SRM: variants seen among roughly 807,000 people sequenced by gnomAD.
SRM encodes putrescine aminopropyltransferase.
In SRM, 14 loss-of-function variants were observed where a neutral mutation model predicts 39.3. The observed-to-expected ratio is 0.36, with a 90% confidence interval of 0.24 to 0.56. SRM has a LOEUF of 0.56. Ranked by LOEUF, SRM falls within the 20% of genes least tolerant of loss-of-function variation. SRM has a pLI of 0.86. For synonymous variants in SRM, 195 were observed against 173.1 expected, an observed-to-expected ratio of 1.13 and a Z score of -0.99; for missense variants, 244 against 409.2, an observed-to-expected ratio of 0.60 and a Z score of 3.48.
chr1:11,057,690 A>AC (rs1325066321), intron 3 of SRM, among the ~76,000 whole-genome samples: 1 of 121,546 alleles, frequency 8.2e-6, no homozygotes, highest in East Asian at 2.3e-4. Flanking sequence ...TGCCCTGACC[A>AC]CCCCCCATGC....
rs144898565 is a variant in SRM, at chr1:11,055,034, C to A, written c.816G>T (p.Ala272=). 2.2e-4 allele frequency: 356 copies of A among 1,612,408 alleles called. 1 individual carries two copies. Among genetic ancestry groups the A allele is most frequent in the Non-Finnish European group, 2.8e-4 (327 of 1,179,718 alleles). ...AGTTGTAGTACTTCAGCTGCATCTG[C>A]GCCACCTGCTGCTGTGTCAGCGGCT... ...PVQPLTQQQV[A]QMQLKYYNSD... Residue 272 remains alanine, a synonymous_variant, in exon 7 of 8, where the codon GCG becomes GCT. Coordinates refer to ENST00000376957, the MANE Select transcript of SRM (RefSeq NM_003132.3).
chr1:11,054,685 G>C lies in SRM; in HGVS notation c.*180C>G. ...GTATAGGCTTGGAGGTGGAACGCCAGAGAGACAGACACACAGACAGTCCGC... is the reference window on the plus strand; with the variant it reads ...GTATAGGCTTGGAGGTGGAACGCCACAGAGACAGACACACAGACAGTCCGC... On this transcript the variant is annotated 3_prime_UTR_variant, in exon 8 of 8. Transcript: ENST00000376957. This position sits in a 1 kb window ranked among gnomAD's most constrained non-coding sequence, Gnocchi z 4.8. The C allele has an allele frequency of 3.4e-6, 3 of 879,372 alleles. No homozygotes were observed. Among genetic ancestry groups the C allele is most frequent in the South Asian group, 3.6e-5 (2 of 55,520 alleles). 54.5% of individuals were successfully genotyped at this position (879,372 alleles called of 1,614,324 possible). A position where few individuals can be genotyped will look rare whatever the true frequency, so the allele number is the denominator to read the frequency against.
chr1:11,058,131 C>G (rs1407072776), intron 3 of SRM, among the ~76,000 whole-genome samples: 2 of 152,176 alleles, frequency 1.3e-5, no homozygotes, highest in Non-Finnish European at 2.9e-5. Context: ...AGGGACTGAT[C>G]TGTCGTCTAC....
chr1:11,059,222 T>C lies in SRM; in HGVS notation c.288+3A>G, dbSNP rs1283358381. On this transcript the variant is annotated splice_donor_region_variant and intron_variant, in intron 2 of 7. Coordinates refer to ENST00000376957, the MANE Select transcript of SRM (RefSeq NM_003132.3). ...GGCACTGTTCCAGGGGACACTGGGG[T>C]ACCTTTCGCGGGTTGGGGTGGCTGC... 6.2e-7 allele frequency: 1 copy of C among 1,613,212 alleles called. No individual in the cohort carries two copies. The highest frequency in any genetic ancestry group is 1.3e-5 in the African/African-American group (1 of 74,918).
intron 2 of SRM, among the ~76,000 whole-genome samples, 165 bp from the exon 3 acceptor site, chr1:11,059,057 G>A (rs1367519109): frequency 6.6e-5 from 10 of 152,134 alleles, no homozygotes; most frequent in Admixed American, 6.5e-4. Flanking sequence ...TTCCAGGGCT[G>A]CCCTAGGATT....
At chr1:11,058,707 T>C in intron 3 of SRM, 93 bp downstream of exon 3, 2 of 1,123,466 alleles carry the variant, frequency 1.8e-6, no homozygotes, top group Non-Finnish European at 2.5e-6. Flanking sequence ...AAACAGGCCC[T>C]ACCTGCCTTG....
intron 2 of SRM, 48 bp downstream of exon 2, chr1:11,059,177 C>T (rs1272212836): frequency 2.5e-6 from 4 of 1,611,712 alleles, no homozygotes; most frequent in Non-Finnish European, 3.4e-6. Context: ...CCGGAGCACA[C>T]CTGGGGCCGC....
Position 11,054,686 on chromosome 1 carries a change from A to G in SRM, c.*179T>C, listed in dbSNP as rs1570765141. ...TATAGGCTTGGAGGTGGAACGCCAG[A>G]GAGACAGACACACAGACAGTCCGCC... On this transcript the variant is annotated 3_prime_UTR_variant, in exon 8 of 8. Transcript: ENST00000376957. The surrounding 1 kb of genome is among the most constrained non-coding windows in gnomAD (Gnocchi z 4.8). The G allele has an allele frequency of 1.1e-5, 10 of 879,200 alleles. No homozygotes were observed. In the East Asian group the frequency reaches 2.7e-4, roughly 24 times the overall value. The allele number at this position is 879,200 out of a possible 1,614,324, so 54.5% of individuals were successfully genotyped here.
In SRM at chr1:11,055,762, CCA is replaced by C; in HGVS notation, c.765+17_765+18del. Reference sequence around the variant, plus strand: ...CCCACCTTCCCCCCAACCCCCACCCCCAGACACCCCCATCTCACCGGGTTCTT... The same window carrying C: ...CCCACCTTCCCCCCAACCCCCACCCCGACACCCCCATCTCACCGGGTTCTT... On this transcript the variant is annotated intron_variant, in intron 6 of 7. Coordinates refer to ENST00000376957, the MANE Select transcript of SRM (RefSeq NM_003132.3). 6.5e-7 allele frequency: 1 copy of C among 1,544,372 alleles called. No individual in the cohort carries two copies. The highest frequency in any genetic ancestry group is 8.7e-7 in the Non-Finnish European group (1 of 1,143,402).
chr1:11,054,808 C>T lies in SRM; in HGVS notation c.*57G>A. 6.5e-7 allele frequency: 1 copy of T among 1,545,762 alleles called. No homozygotes were observed. Among genetic ancestry groups the T allele is most frequent in the South Asian group, 1.2e-5 (1 of 80,702 alleles). Reference sequence around the variant, plus strand: ...CGGCCCGGGGCTGGAGGGGCCGAGGCACCCCGCAGGCTCCAAGGTCCGAGG... The same window carrying T: ...CGGCCCGGGGCTGGAGGGGCCGAGGTACCCCGCAGGCTCCAAGGTCCGAGG... On this transcript the variant is annotated 3_prime_UTR_variant, in exon 8 of 8. Coordinates refer to ENST00000376957, the MANE Select transcript of SRM (RefSeq NM_003132.3). This position sits in a 1 kb window ranked among gnomAD's most constrained non-coding sequence, Gnocchi z 4.8.
chr1:11,055,748 C>A, intron 6 of SRM, 33 bp downstream of exon 6: 2 of 1,505,294 alleles, frequency 1.3e-6, no homozygotes, highest in South Asian at 1.2e-5. Flanking sequence ...CCACCTTCCC[C>A]CCAACCCCCA....
In SRM at chr1:11,059,863, C is replaced by A. The variant is rs1362794449; in HGVS notation, c.81G>T (p.Leu27=). Reference sequence around the variant, plus strand: ...GCAGTGACAGGGCCTGGCCGGGCCACAGGCTGCAGGTCTCGCGGAACCAGC... The same window carrying A: ...GCAGTGACAGGGCCTGGCCGGGCCAAAGGCTGCAGGTCTCGCGGAACCAGC... ...REGWFRETCS[L]WPGQALSLQV... The change falls in exon 1 of 8, where the codon CTG becomes CTT. Residue 27 remains leucine (L), a synonymous_variant. Transcript: ENST00000376957. The A allele has an allele frequency of 6.5e-7, 1 of 1,548,780 alleles. No homozygotes were observed. Among genetic ancestry groups the A allele is most frequent in the Non-Finnish European group, 8.6e-7 (1 of 1,158,058 alleles).
At chr1:11,056,839 G>A in intron 3 of SRM, 82 bp from the exon 4 acceptor site, 1 of 1,480,292 alleles carries the variant, frequency 6.8e-7, no homozygotes, top group African/African-American at 1.4e-5. Flanking sequence ...CTCTCCAAGT[G>A]CCTCACAGGC....
chr1:11,058,939 GC>G, intron 2 of SRM, 47 bp from the exon 3 acceptor site: 2 of 1,522,472 alleles, frequency 1.3e-6, no homozygotes, highest in Non-Finnish European at 1.8e-6. Flanking sequence ...AGGACTGGGA[GC>G]CCCCAGGCCC....
chr1:11,055,220 T>C, intron 6 of SRM, 136 bp from the exon 7 acceptor site: 2 of 1,308,624 alleles, frequency 1.5e-6, no homozygotes, highest in Non-Finnish European at 2.0e-6. Flanking sequence ...CAGGTTCAAG[T>C]GATTCTCCTG....
chr1:11,057,242 G>A (rs1363276973), intron 3 of SRM, among the ~76,000 whole-genome samples: 2 of 152,024 alleles, frequency 1.3e-5, no homozygotes, highest in African/African-American at 4.8e-5. Context: ...TCCTGCCGGC[G>A]GCTTGGGCTC....
intron 6 of SRM, 131 bp downstream of exon 6, chr1:11,055,650 T>C (rs905169792): frequency 3.3e-6 from 3 of 907,952 alleles, no homozygotes; most frequent in Non-Finnish European, 5.0e-6. Context: ...CTCCTGACCT[T>C]GTGATCTGCC....
chr1:11,059,823 G>A lies in SRM; in HGVS notation c.121C>T (p.Leu41Phe). 3 of 1,575,972 alleles carry A rather than the reference G, an allele frequency of 1.9e-6. No homozygotes were observed. The highest frequency in any genetic ancestry group is 1.7e-4 in the Middle Eastern group (1 of 5,922). The change falls in exon 1 of 8, where the codon CTC becomes TTC. Residue 41 changes from leucine to phenylalanine, a missense_variant. Coordinates refer to ENST00000376957, the MANE Select transcript of SRM (RefSeq NM_003132.3). ...QALSLQVEQL[L>F]HHRRSRYQDI... is the part of the protein sequence containing the mutation. ...TGGTAGCGCGAGCGCCGGTGGTGGA[G>A]CAGCTGCTCCACCTGCAGTGACAGG...
intron 6 of SRM, 37 bp downstream of exon 6, chr1:11,055,744 T>TCCCCCCCAACCCCCCCCCCCCACC: frequency 7.5e-7 from 1 of 1,336,824 alleles, no homozygotes; most frequent in Non-Finnish European, 1.0e-6. Context: ...ATGCCCACCT[T>TCCCCCCCAACCCCCCCCCCCCACC]CCCCCCAACC....
Sources: allele counts gnomAD v4.1 joint callset (sites outside exome capture counted in the v4.1 genomes callset), GRCh38; gene constraint gnomAD v4.1.1; non-coding constraint Gnocchi (gnomAD v3.1); transcripts MANE v1.5; gene names NCBI Gene and HGNC (gene_info 2026-07-23, HGNC 2026-07-21).